The following GRIP1 variants were observed in gnomAD, a reference collection of about 807,000 sequenced individuals.
GRIP1 encodes the protein glutamate receptor interacting protein 1, also known as glutamate receptor-interacting protein 1.
A neutral mutation model predicts 129.9 loss-of-function variants in GRIP1; 45 were observed. The observed-to-expected ratio is 0.35, with a 90% CI of 0.27 to 0.44. The LOEUF (loss-of-function observed/expected upper bound fraction) is 0.44, where lower values mean the gene tolerates loss of function less well. Ranked by LOEUF, GRIP1 falls within the 20% of genes least tolerant of loss-of-function variation. The pLI is 1.00. For missense variants in GRIP1, 1,196 were observed against 1,396.8 expected (o/e 0.86, Z 2.29); for synonymous variants, 530 against 520.8 (o/e 1.02, Z -0.24).
At chr12:66,515,562 G>T in intron 7 of GRIP1, 57 bp downstream of exon 7, 2 of 1,487,972 alleles carry the variant, frequency 1.3e-6, no homozygotes, top group Non-Finnish European at 1.9e-6. Context: ...TGGTTTATCA[G>T]GGACAGACAG....
intron 1 of GRIP1, among the ~76,000 whole-genome samples, chr12:66,996,795 T>A (rs997615484): frequency 6.6e-6 from 1 of 152,166 alleles, no homozygotes; most frequent in Non-Finnish European, 1.5e-5. Context: ...CTTTCACTTA[T>A]TCACATGAAA....
At chr12:66,727,189 T>C (rs2036282989) in intron 1 of GRIP1, among the ~76,000 whole-genome samples, 1 of 152,180 alleles carries the variant, frequency 6.6e-6, no homozygotes, top group African/African-American at 2.4e-5. Context: ...CATAATGGTA[T>C]GGTAGAACTA....
rs1476604605 is a variant in GRIP1, at chr12:66,348,620, A to ACTT, written c.*396_*398dup. On this transcript the variant is annotated 3_prime_UTR_variant, in exon 25 of 25. Transcript: ENST00000359742. ...TGTTGGCCAAGTTCTTACATTAATG[A>ACTT]CTTCATAGTAAGAAACTGATTTCAA... 1 of 211,522 alleles carries ACTT rather than the reference A, an allele frequency of 4.7e-6. No homozygotes were observed. Among genetic ancestry groups the ACTT allele is most frequent in the Non-Finnish European group, 9.6e-6 (1 of 104,198 alleles). The allele number at this position is 211,522 out of a possible 1,614,324, so 13.1% of individuals were successfully genotyped here.
chr12:67,068,747 C>A lies in GRIP1; in HGVS notation c.58+303G>T, dbSNP rs545664418. Among the ~76,000 whole-genome samples the A allele has an allele frequency of 1.1e-3, 164 of 149,384 alleles. 2 individuals carry two copies. Among genetic ancestry groups the A allele is most frequent in the African/African-American group, 3.7e-3 (149 of 40,436 alleles). On this transcript the variant is annotated intron_variant, in intron 1 of 1. Transcript: ENST00000643019. ...CTCGGAGCTCCACGTGCGAGCGGGC[C>A]CTGCAGAAGCTGGAGTTTCCCCTAC...
chr12:66,435,496 C>A (rs1180644401), intron 13 of GRIP1, among the ~76,000 whole-genome samples: 1 of 152,170 alleles, frequency 6.6e-6, no homozygotes, highest in Non-Finnish European at 1.5e-5. Flanking sequence ...AGCCACTGCA[C>A]CTGTCCTACC....
At chr12:66,884,323 G>A (rs1412363153) in intron 1 of GRIP1, among the ~76,000 whole-genome samples, 1 of 11,006 alleles carries the variant, frequency 9.1e-5, no homozygotes, top group Non-Finnish European at 4.2e-3. Context: ...TTGAGAAATT[G>A]CCCTCTCCAG....
At chr12:66,560,013 C>T (rs2062464757) in intron 2 of GRIP1, among the ~76,000 whole-genome samples, 1 of 152,052 alleles carries the variant, frequency 6.6e-6, no homozygotes, top group Non-Finnish European at 1.5e-5. Flanking sequence ...GAAACAAATC[C>T]ATACACCTAC....
chr12:66,649,049 A>G (rs2032587711), intron 1 of GRIP1, among the ~76,000 whole-genome samples: 2 of 152,202 alleles, frequency 1.3e-5, no homozygotes, highest in African/African-American at 2.4e-5. Context: ...CAAAGAAGAA[A>G]GTGAACATTC....
At chr12:66,380,803 C>A (rs2056071517) in intron 19 of GRIP1, among the ~76,000 whole-genome samples, 1 of 152,138 alleles carries the variant, frequency 6.6e-6, no homozygotes, top group South Asian at 2.1e-4. Flanking sequence ...ATCACATACG[C>A]CTTCATCCAC....
At chr12:66,887,199 C>T (rs546978268) in intron 1 of GRIP1, among the ~76,000 whole-genome samples, 23 of 152,204 alleles carry the variant, frequency 1.5e-4, no homozygotes, top group African/African-American at 5.5e-4. Flanking sequence ...AGGAGTAAAA[C>T]AAATTTTAAT....
At position 66,406,369 on chromosome 12, in the gene GRIP1, T is replaced by C. The variant is rs761118834; in HGVS notation, c.1898A>G (p.Asn633Ser). The C allele has an allele frequency of 9.3e-6, 15 of 1,613,990 alleles. No homozygotes were observed. The Admixed American group carries it at 1.5e-4, about 16-fold the overall frequency. Residue 633 changes from asparagine to serine, a missense_variant, in exon 16 of 25, where the codon AAC becomes AGC. Around this residue, in one of 5 missense-constraint regions of GRIP1, gnomAD observed 508 missense variants for 587.0 expected, o/e 0.87. Transcript: ENST00000359742. The stretch of plus-strand genomic sequence containing the variant: ...CTGAACTGCATCTTCCATGGAACAG[T>C]TGTCCAGCCGGATATTATCTATTGC... ...LLAIDNIRLD[N>S]CSMEDAVQIL...
chr12:66,438,183 G>A (rs919793325), intron 13 of GRIP1, among the ~76,000 whole-genome samples: 12 of 152,150 alleles, frequency 7.9e-5, no homozygotes, highest in Non-Finnish European at 1.8e-4. Flanking sequence ...TGATTCTTCC[G>A]TGGTCACAGC....
intron 1 of GRIP1, among the ~76,000 whole-genome samples, chr12:66,990,626 T>A (rs939612108): frequency 3.9e-5 from 6 of 152,212 alleles, no homozygotes; most frequent in African/African-American, 1.4e-4. Context: ...CATACACATA[T>A]CTGTTCTTCT....
chr12:66,591,550 T>C (rs2063846171), intron 2 of GRIP1, among the ~76,000 whole-genome samples: 1 of 152,206 alleles, frequency 6.6e-6, no homozygotes, highest in Admixed American at 6.5e-5. Flanking sequence ...AACCGTGTAC[T>C]TTGTATGACA....
At chr12:66,668,944 C>T (rs1565954801) in intron 1 of GRIP1, among the ~76,000 whole-genome samples, 1 of 151,934 alleles carries the variant, frequency 6.6e-6, no homozygotes, top group Non-Finnish European at 1.5e-5. Context: ...GAGACCCTGT[C>T]TCAAAAGAAA....
At chr12:66,403,097 G>A (rs900479865) in intron 16 of GRIP1, among the ~76,000 whole-genome samples, 1 of 152,040 alleles carries the variant, frequency 6.6e-6, no homozygotes, top group African/African-American at 2.4e-5. Context: ...GCTCAAATGT[G>A]GTAGAGCTGA....
intron 11 of GRIP1, among the ~76,000 whole-genome samples, chr12:66,446,720 T>A (rs2058641322): frequency 2.6e-5 from 4 of 152,182 alleles, no homozygotes; most frequent in Admixed American, 2.6e-4. Flanking sequence ...TCTTTGCCAT[T>A]ATGATGATAA....
At chr12:67,046,133 C>T (rs2043250046) in intron 1 of GRIP1, among the ~76,000 whole-genome samples, 1 of 152,180 alleles carries the variant, frequency 6.6e-6, no homozygotes, top group African/African-American at 2.4e-5. Flanking sequence ...ACAACCTGAG[C>T]CCTCTTCAGT....
At chr12:66,584,078 AT>A (rs1345443412) in intron 2 of GRIP1, among the ~76,000 whole-genome samples, 1 of 149,838 alleles carries the variant, frequency 6.7e-6, no homozygotes, top group Non-Finnish European at 1.5e-5. Context: ...CTATGCAGCC[AT>A]AAAAAAGGAT....
Sources: allele counts gnomAD v4.1 joint callset (sites outside exome capture counted in the v4.1 genomes callset), GRCh38; gene constraint gnomAD v4.1.1; regional missense constraint gnomAD v4.1.1; transcripts MANE v1.5; gene names NCBI Gene and HGNC (gene_info 2026-07-23, HGNC 2026-07-21).